The following LDHC variants were observed in gnomAD, a reference collection of about 807,000 sequenced individuals.
LDHC encodes the protein L-lactate dehydrogenase C chain.
LDHC carries 20 observed loss-of-function variants against 30.2 expected under a neutral mutation model. The observed-to-expected ratio is 0.66, with a 90% confidence interval of 0.47 to 0.96. The LOEUF is 0.96. LDHC is among the 40% of genes least tolerant of loss of function. The pLI, the probability that LDHC is intolerant of heterozygous loss-of-function variation, is 0.00. For synonymous variants in LDHC, 139 were observed against 132.7 expected (o/e 1.05, Z -0.32); for missense variants, 362 against 394.9 (o/e 0.92, Z 0.71).
chr11:18,425,490 C>T (rs556149882), intron 3 of LDHC, among the ~76,000 whole-genome samples: 113 of 152,032 alleles, frequency 7.4e-4, no homozygotes, highest in Non-Finnish European at 1.4e-3. Context: ...AAGTGATTGT[C>T]GTGCCTCAGC....
intron 6 of LDHC, among the ~76,000 whole-genome samples, chr11:18,439,831 A>AC (rs1364601494): frequency 0.084 from 11,822 of 140,656 alleles, 420 homozygotes; most frequent in Middle Eastern, 0.11. Context: ...AAAAAAAAAA[A>AC]AAAAACAAAA....
chr11:18,450,776 A>C (rs182880558), intron 7 of LDHC, 187 bp from the exon 8 acceptor site: 1 of 472,518 alleles, frequency 2.1e-6, no homozygotes, highest in Non-Finnish European at 3.7e-6. Context: ...CATGTCACTG[A>C]ATGTAAGTTC....
rs543978578 is a variant in LDHC at position 18,427,101 on chromosome 11, TA to T, written c.245-2634del. Reference sequence around the variant, plus strand: ...GGCTGGGCGTGGTAGCTGATGCCTATAATCCCAGCACTGTGGGAGGCTGAGG... The same window carrying T: ...GGCTGGGCGTGGTAGCTGATGCCTATATCCCAGCACTGTGGGAGGCTGAGG... On this transcript the variant is annotated intron_variant, in intron 3 of 7. Coordinates refer to ENST00000541669, the MANE Select transcript of LDHC (RefSeq NM_017448.5). Among the ~76,000 whole-genome samples, 303 of 152,316 alleles carry T rather than the reference TA, an allele frequency of 2.0e-3. 2 individuals are homozygous for T. The highest frequency in any genetic ancestry group is 5.2e-3 in the Admixed American group (80 of 15,280).
At chr11:18,439,723 C>A (rs1848423529) in intron 6 of LDHC, among the ~76,000 whole-genome samples, 1 of 145,228 alleles carries the variant, frequency 6.9e-6, no homozygotes, top group African/African-American at 2.5e-5. Flanking sequence ...GCCTATAATC[C>A]CAATACTTTG....
chr11:18,444,495 A>C (rs887287139), intron 6 of LDHC, among the ~76,000 whole-genome samples: 4 of 151,132 alleles, frequency 2.6e-5, no homozygotes, highest in Non-Finnish European at 5.9e-5. Context: ...TACTTTTGTC[A>C]TCAAAAGTAT....
chr11:18,444,476 G>T (rs1429541357), intron 6 of LDHC, among the ~76,000 whole-genome samples: 1 of 151,362 alleles, frequency 6.6e-6, no homozygotes, highest in Admixed American at 6.6e-5. Flanking sequence ...AGAATTGAGG[G>T]TCTAAAAGTA....
chr11:18,434,484 G>C (rs143635246), intron 4 of LDHC, among the ~76,000 whole-genome samples: 1 of 152,100 alleles, frequency 6.6e-6, no homozygotes, highest in Non-Finnish European at 1.5e-5. Context: ...GCTAATTTTT[G>C]TATTTGTTGG....
At chr11:18,413,066 T>G (rs1418678600) in intron 2 of LDHC, among the ~76,000 whole-genome samples, 1 of 151,332 alleles carries the variant, frequency 6.6e-6, no homozygotes, top group Admixed American at 6.6e-5. Flanking sequence ...TTTCCTTTCT[T>G]TTTTTTTCTG....
intron 6 of LDHC, among the ~76,000 whole-genome samples, chr11:18,441,725 A>G (rs1848469918): frequency 6.6e-6 from 1 of 151,698 alleles, no homozygotes; most frequent in Non-Finnish European, 1.5e-5. Context: ...AGCCTGGCCC[A>G]ACATGGTGAA....
chr11:18,414,700 C>T (rs1050473125), intron 2 of LDHC, among the ~76,000 whole-genome samples: 3 of 151,900 alleles, frequency 2.0e-5, no homozygotes, highest in East Asian at 1.9e-4. Flanking sequence ...TGGTGGCGGG[C>T]GCCTGTAATC....
intron 5 of LDHC, among the ~76,000 whole-genome samples, chr11:18,435,771 A>G (rs899149959): frequency 6.6e-6 from 1 of 152,016 alleles, no homozygotes; most frequent in Non-Finnish European, 1.5e-5. Flanking sequence ...TTTTTCCCCT[A>G]CCCTAGCCCC....
intron 6 of LDHC, among the ~76,000 whole-genome samples, chr11:18,440,983 AGTT>A (rs1424999157): frequency 6.6e-6 from 1 of 151,766 alleles, no homozygotes; most frequent in Non-Finnish European, 1.5e-5. Context: ...AAAATTAACT[AGTT>A]GTAGTGTTGC....
intron 6 of LDHC, among the ~76,000 whole-genome samples, chr11:18,441,822 C>T (rs1441159651): frequency 6.6e-6 from 1 of 152,108 alleles, no homozygotes; most frequent in African/African-American, 2.4e-5. Context: ...TGAGGCATCA[C>T]TTGAACCCAG....
At chr11:18,432,618 A>G (rs752867329) in intron 4 of LDHC, among the ~76,000 whole-genome samples, 2 of 152,274 alleles carry the variant, frequency 1.3e-5, no homozygotes, top group South Asian at 4.1e-4. Flanking sequence ...GTTTATTAGT[A>G]AATGTTTTAT....
At chr11:18,432,737 TG>T (rs1373429536) in intron 4 of LDHC, among the ~76,000 whole-genome samples, 1 of 152,246 alleles carries the variant, frequency 6.6e-6, no homozygotes, top group Admixed American at 6.5e-5. Context: ...CTCTTTTAAC[TG>T]CTGTTGCTTT....
rs560510231 is a variant in LDHC, at chr11:18,441,634, G to A, written c.710+2989G>A. On this transcript the variant is annotated intron_variant, in intron 6 of 7. Coordinates refer to ENST00000541669, the MANE Select transcript of LDHC (RefSeq NM_017448.5). Reference sequence around the variant, plus strand: ...AGAAGATATTTCAATGCGGCTGGGCGTGGTGGCTCATGCCTGTAATCCCAG... The same window carrying A: ...AGAAGATATTTCAATGCGGCTGGGCATGGTGGCTCATGCCTGTAATCCCAG... 1.9e-4 allele frequency among the ~76,000 whole-genome samples: 28 copies of A among 150,462 alleles called. No homozygotes were observed. In the East Asian group the frequency reaches 5.3e-3, roughly 28 times the overall value.
intron 7 of LDHC, among the ~76,000 whole-genome samples, chr11:18,448,600 G>A (rs1208700745): frequency 6.6e-6 from 1 of 152,068 alleles, no homozygotes; most frequent in Non-Finnish European, 1.5e-5. Flanking sequence ...ATTTTATAGG[G>A]AACATTTAAA....
chr11:18,445,902 G>A (rs1339346710), intron 6 of LDHC, among the ~76,000 whole-genome samples: 1 of 152,158 alleles, frequency 6.6e-6, no homozygotes, highest in Non-Finnish European at 1.5e-5. Context: ...ATAAGCCCAG[G>A]AGGTGGAGGT....
intron 6 of LDHC, among the ~76,000 whole-genome samples, chr11:18,444,398 T>C (rs1848515456): frequency 6.6e-6 from 1 of 151,830 alleles, no homozygotes; most frequent in African/African-American, 2.4e-5. Context: ...GACAGTATGC[T>C]GTCAATCAAG....
Sources: gnomAD v4.1 joint callset for allele counts (sites outside exome capture counted in the v4.1 genomes callset) on GRCh38, gnomAD v4.1.1 for gene constraint, MANE v1.5 for transcripts, NCBI Gene and HGNC (gene_info 2026-07-23, HGNC 2026-07-21) for gene names.